The following ALMS1 variants were observed in gnomAD, a reference collection of about 807,000 sequenced individuals.
The protein encoded by ALMS1 is ALMS1 centrosome and basal body associated protein, also known as centrosome-associated protein ALMS1.
ALMS1 carries 271 observed loss-of-function variants against 352.2 expected under a neutral mutation model. The observed-to-expected ratio is 0.77, with a 90% CI of 0.70 to 0.85. The LOEUF (loss-of-function observed/expected upper bound fraction) is 0.85, where lower values mean the gene tolerates loss of function less well. Ranked by LOEUF, ALMS1 falls within the 40% of genes least tolerant of loss-of-function variation. The pLI is 0.00. For synonymous variants in ALMS1, 1,865 were observed against 1,761.2 expected, an observed-to-expected ratio of 1.06 and a Z score of -1.48; for missense variants, 5,445 against 4,870.7, an observed-to-expected ratio of 1.12 and a Z score of -3.51.
rs80009262 is a variant in ALMS1, at chr2:73,599,454, C to G, written c.11601C>G (p.Phe3867Leu). 5.6e-6 allele frequency: 9 copies of G among 1,613,550 alleles called. No homozygotes were observed. The Admixed American group carries it at 6.7e-5, about 12-fold the overall frequency. Residue 3867 changes from phenylalanine to leucine, a missense_variant, in exon 17 of 23, where the codon TTC becomes TTG. By Grantham distance (22) the Phe-to-Leu change is conservative (BLOSUM62 0). Transcript: ENST00000613296. ...SDSISSSASS[F>L]LSSNSTFCNK... ...CTATTTCCTCTTCTGCCAGTAGTTT[C>G]CTGAGCTCAAACTCTACTTTTTGCA...
chr2:73,602,152 G>A (rs1219763755), intron 19 of ALMS1, 33 bp from the exon 20 acceptor site: 1 of 1,595,072 alleles, frequency 6.3e-7, no homozygotes, highest in Non-Finnish European at 8.6e-7. Flanking sequence ...ATTAATCTGA[G>A]GCTGGGCATT....
At chr2:73,396,916 T>G (rs2103647013) in intron 1 of ALMS1, among the ~76,000 whole-genome samples, 1 of 152,258 alleles carries the variant, frequency 6.6e-6, no homozygotes, top group South Asian at 2.1e-4. Context: ...AGTGCTAGGA[T>G]TACAGGCTTG....
In ALMS1 at chr2:73,463,100, A is replaced by G. The variant is rs552614184; in HGVS notation, c.7674+7805A>G. Reference sequence around the variant, plus strand: ...AGCAATTGAATTCAGCTCTGCACCAAGCAGACCTAATAGACATCTACAGAA... The same window carrying G: ...AGCAATTGAATTCAGCTCTGCACCAGGCAGACCTAATAGACATCTACAGAA... On this transcript the variant is annotated intron_variant, in intron 9 of 22. Coordinates refer to ENST00000613296, the MANE Select transcript of ALMS1 (RefSeq NM_001378454.1). 7.2e-5 allele frequency among the ~76,000 whole-genome samples: 11 copies of G among 152,350 alleles called. No individual in the cohort carries two copies. The East Asian group carries it at 1.7e-3, about 24-fold the overall frequency.
rs762497192 is a variant in ALMS1, at chr2:73,452,127, A to G, written c.5600A>G (p.Asp1867Gly). 9 of 1,608,984 alleles carry G rather than the reference A, an allele frequency of 5.6e-6. No individual in the cohort carries two copies. Among genetic ancestry groups the G allele is most frequent in the Non-Finnish European group, 6.8e-6 (8 of 1,176,758 alleles). Reference protein sequence around the residue: ...SVISYEQELPDLTEVTLKAIG... With the variant: ...SVISYEQELPGLTEVTLKAIG... ...ATTTCTTATGAGCAGGAGTTGCCAGATCTTACTGAAGTAACTTTGAAAGCA... is the reference window on the plus strand; with the variant it reads ...ATTTCTTATGAGCAGGAGTTGCCAGGTCTTACTGAAGTAACTTTGAAAGCA... Residue 1867 changes from aspartate to glycine, a missense_variant, in exon 8 of 23, where the codon GAT becomes GGT. Asp to Gly is a moderately conservative substitution (Grantham distance 94). Transcript: ENST00000613296.
At chr2:73,555,410 C>G (rs1308658383) in intron 13 of ALMS1, among the ~76,000 whole-genome samples, 1 of 152,074 alleles carries the variant, frequency 6.6e-6, no homozygotes, top group African/African-American at 2.4e-5. Flanking sequence ...GAATATATAT[C>G]TGGAAAAAAT....
At chr2:73,510,522 T>G (rs1316793868) in intron 10 of ALMS1, among the ~76,000 whole-genome samples, 2 of 152,228 alleles carry the variant, frequency 1.3e-5, no homozygotes, top group Non-Finnish European at 2.9e-5. Flanking sequence ...AGACCCTGTT[T>G]GCCTGGGTAT....
At chr2:73,527,306 T>G (rs1673811622) in intron 11 of ALMS1, among the ~76,000 whole-genome samples, 1 of 151,912 alleles carries the variant, frequency 6.6e-6, no homozygotes. Flanking sequence ...GGATGTATTC[T>G]CTCCTCTTCC....
intron 15 of ALMS1, among the ~76,000 whole-genome samples, chr2:73,570,883 T>G (rs921857932): frequency 2.6e-5 from 4 of 152,190 alleles, no homozygotes; most frequent in African/African-American, 9.7e-5. Flanking sequence ...GTTTGTTTGT[T>G]TAGCTCTCAT....
chr2:73,443,576 A>G (rs896028044), intron 7 of ALMS1, among the ~76,000 whole-genome samples: 1 of 148,360 alleles, frequency 6.7e-6, no homozygotes, highest in African/African-American at 2.6e-5. Context: ...GAATTTAGTA[A>G]TTGCTTTTTT....
At chr2:73,551,310 G>A (rs930429375) in intron 13 of ALMS1, among the ~76,000 whole-genome samples, 21 of 151,874 alleles carry the variant, frequency 1.4e-4, no homozygotes, top group African/African-American at 4.4e-4. Flanking sequence ...CTGTCCCCCT[G>A]CAGGCAGGAC....
intron 10 of ALMS1, among the ~76,000 whole-genome samples, chr2:73,516,752 C>G (rs770836378): frequency 6.6e-6 from 1 of 152,194 alleles, no homozygotes; most frequent in Non-Finnish European, 1.5e-5. Context: ...CATTAGTACT[C>G]TTGCAAATAA....
In ALMS1 at chr2:73,448,739, G is replaced by A. The variant is rs1057524883; in HGVS notation, c.2212G>A (p.Glu738Lys). 4 of 1,605,440 alleles carry A rather than the reference G, an allele frequency of 2.5e-6. No homozygotes were observed. The African/African-American group carries it at 5.3e-5, about 21-fold the overall frequency. The change falls in exon 8 of 23, where the codon GAG (glutamate) becomes AAG (lysine). Residue 738 changes from glutamate to lysine, a missense_variant. By Grantham distance (56) the Glu-to-Lys change is moderately conservative. Transcript: ENST00000613296. Reference sequence around the variant, plus strand: ...GTTCGCAGACAGTCATCAAACTGAAGAGACTCTTACTAAAGTTTCAGCCAC... The same window carrying A: ...GTTCGCAGACAGTCATCAAACTGAAAAGACTCTTACTAAAGTTTCAGCCAC... ...QEFADSHQTE[E>K]TLTKVSATPG... is the part of the protein sequence containing the mutation.
intron 11 of ALMS1, among the ~76,000 whole-genome samples, chr2:73,531,148 A>T (rs1467144321): frequency 2.6e-5 from 4 of 152,282 alleles, no homozygotes; most frequent in Admixed American, 2.0e-4. Flanking sequence ...TTTCTTTTCT[A>T]CTGCATAGTC....
At chr2:73,425,065 C>A (rs762336992) in intron 5 of ALMS1, among the ~76,000 whole-genome samples, 163 bp downstream of exon 5, 2 of 151,900 alleles carry the variant, frequency 1.3e-5, no homozygotes, top group Non-Finnish European at 2.9e-5. Flanking sequence ...GACTGTTTTT[C>A]CTTTCCATGT....
At chr2:73,391,918 C>A (rs1670654652) in intron 1 of ALMS1, among the ~76,000 whole-genome samples, 1 of 152,004 alleles carries the variant, frequency 6.6e-6, no homozygotes, top group African/African-American at 2.4e-5. Flanking sequence ...GGGTTGTAGT[C>A]TATATATGTT....
chr2:73,601,241 G>A lies in ALMS1; in HGVS notation c.11919G>A (p.Lys3973=). ...VPVENVESRS[K]KENVPNTCGP... Reference sequence around the variant, plus strand: ...TGGAAAATGTGGAGTCTAGATCAAAGAAGGAAAACGTGCCTAACACTTGTG... The same window carrying A: ...TGGAAAATGTGGAGTCTAGATCAAAAAAGGAAAACGTGCCTAACACTTGTG... Residue 3973 remains lysine (K), a synonymous_variant, in exon 19 of 23, where the codon AAG becomes AAA. Transcript: ENST00000613296. 6.2e-7 allele frequency: 1 copy of A among 1,614,220 alleles called. No individual in the cohort carries two copies. The highest frequency in any genetic ancestry group is 8.5e-7 in the Non-Finnish European group (1 of 1,180,038).
chr2:73,541,979 A>G (rs1674194100), intron 12 of ALMS1, among the ~76,000 whole-genome samples: 1 of 152,198 alleles, frequency 6.6e-6, no homozygotes, highest in Non-Finnish European at 1.5e-5. Context: ...AACTATTCCA[A>G]TCAATAGAAA....
intron 5 of ALMS1, among the ~76,000 whole-genome samples, chr2:73,425,577 A>G (rs776861415): frequency 6.6e-6 from 1 of 152,186 alleles, no homozygotes; most frequent in Non-Finnish European, 1.5e-5. Flanking sequence ...TGCTGAAAAT[A>G]TAGCCTTTGA....
intron 9 of ALMS1, among the ~76,000 whole-genome samples, chr2:73,464,433 A>G (rs1283789538): frequency 1.3e-5 from 2 of 152,248 alleles, no homozygotes; most frequent in Non-Finnish European, 2.9e-5. Context: ...TGAGGTATTG[A>G]TGGGATGTAT....
Sources: allele counts gnomAD v4.1 joint callset (sites outside exome capture counted in the v4.1 genomes callset), GRCh38; gene constraint gnomAD v4.1.1; transcripts MANE v1.5; gene names NCBI Gene and HGNC (gene_info 2026-07-23, HGNC 2026-07-21).